Variants in JAK2 observed in about 807,000 individuals in gnomAD.
JAK2 encodes the protein Janus kinase 2.
JAK2 carries 86 observed loss-of-function variants against 139.3 expected under a neutral mutation model. The ratio of observed to expected loss-of-function variants is 0.62; its 90% confidence interval spans 0.52 to 0.74. The LOEUF is 0.74. Among genes scored for constraint, JAK2 ranks in the 30% least tolerant of loss-of-function variants. The probability of loss-of-function intolerance (pLI) is 0.00; values close to 1 mark genes in which losing one functional copy is unlikely to be tolerated. For synonymous variants in JAK2, 490 were observed against 437.7 expected, an observed-to-expected ratio of 1.12 and a Z score of -1.49; for missense variants, 1,421 against 1,360.3, an observed-to-expected ratio of 1.04 and a Z score of -0.70.
intron 3 of JAK2, among the ~76,000 whole-genome samples, chr9:5,023,403 A>C (rs1413960723): frequency 1.3e-5 from 2 of 152,076 alleles, no homozygotes; most frequent in African/African-American, 4.8e-5. Flanking sequence ...TGGGCTTCAA[A>C]ATATCACCTT....
intron 12 of JAK2, among the ~76,000 whole-genome samples, chr9:5,072,150 T>C (rs1818992932): frequency 6.6e-6 from 1 of 152,186 alleles, no homozygotes; most frequent in East Asian, 1.9e-4. Flanking sequence ...CATTCTCTAG[T>C]GTGCTAGTAG....
chr9:5,115,975 G>A (rs1823128505), intron 22 of JAK2, among the ~76,000 whole-genome samples: 1 of 152,030 alleles, frequency 6.6e-6, no homozygotes. Context: ...GTTGATGGGT[G>A]CAGCAAACCA....
At chr9:5,102,075 G>A (rs1184788841) in intron 22 of JAK2, among the ~76,000 whole-genome samples, 1 of 152,188 alleles carries the variant, frequency 6.6e-6, no homozygotes, top group Non-Finnish European at 1.5e-5. Flanking sequence ...CAGAAGGTTG[G>A]TAATAACAAA....
intron 19 of JAK2, among the ~76,000 whole-genome samples, chr9:5,084,076 GT>G (rs1819906396): frequency 6.6e-6 from 1 of 151,966 alleles, no homozygotes; most frequent in Non-Finnish European, 1.5e-5. Flanking sequence ...CATTTTTAGT[GT>G]TTTCCATAGT....
intron 23 of JAK2, 65 bp downstream of exon 23, chr9:5,123,186 GGTACAA>G (rs1410928619): frequency 1.8e-6 from 2 of 1,118,286 alleles, no homozygotes; most frequent in East Asian, 2.4e-5. Context: ...AAATTTATGG[GGTACAA>G]GTACAATTTT....
intron 22 of JAK2, among the ~76,000 whole-genome samples, chr9:5,092,189 C>T (rs1820635654): frequency 1.3e-5 from 2 of 152,112 alleles, no homozygotes; most frequent in Admixed American, 6.5e-5. Flanking sequence ...CAGAAAATCT[C>T]ACGACAACCT....
intron 10 of JAK2, among the ~76,000 whole-genome samples, chr9:5,068,591 G>A (rs1273150618): frequency 6.6e-6 from 1 of 152,174 alleles, no homozygotes; most frequent in Non-Finnish European, 1.5e-5. Context: ...AAGCAGCATG[G>A]CATTTGCTTG....
intron 2 of JAK2, among the ~76,000 whole-genome samples, chr9:4,997,230 G>A (rs1820625765): frequency 6.6e-6 from 1 of 152,018 alleles, no homozygotes; most frequent in Non-Finnish European, 1.5e-5. Flanking sequence ...ACCGCGCATG[G>A]CCTGTTAGTC....
intron 4 of JAK2, chr9:5,041,627 G>T (rs1816527934): frequency 4.0e-6 from 2 of 500,478 alleles, no homozygotes; most frequent in Admixed American, 2.3e-5. Flanking sequence ...TGCGGCGCCT[G>T]GACTTTGAGA....
intron 8 of JAK2, among the ~76,000 whole-genome samples, chr9:5,060,574 A>G (rs1818097930): frequency 6.6e-6 from 1 of 152,166 alleles, no homozygotes; most frequent in African/African-American, 2.4e-5. Flanking sequence ...TTTTATCATG[A>G]GATTGTAGCA....
At chr9:5,013,163 A>G (rs992790694) in intron 2 of JAK2, among the ~76,000 whole-genome samples, 3 of 152,210 alleles carry the variant, frequency 2.0e-5, no homozygotes, top group African/African-American at 7.2e-5. Context: ...TTCTTGCTCA[A>G]TAAGAAAACA....
intron 2 of JAK2, among the ~76,000 whole-genome samples, chr9:5,020,428 TG>T (rs1822341165): frequency 6.6e-6 from 1 of 152,090 alleles, no homozygotes; most frequent in South Asian, 2.1e-4. Context: ...TAGCAGGTGC[TG>T]TTTGTGGTGG....
At chr9:5,077,298 G>A (rs937558293) in intron 14 of JAK2, among the ~76,000 whole-genome samples, 155 bp from the exon 15 acceptor site, 13 of 150,806 alleles carry the variant, frequency 8.6e-5, no homozygotes, top group African/African-American at 2.9e-4. Flanking sequence ...AAAATATAAT[G>A]CTGTGTATCC....
At chr9:5,072,423 T>C (rs1018640237) in intron 12 of JAK2, 69 bp from the exon 13 acceptor site, 22 of 1,158,674 alleles carry the variant, frequency 1.9e-5, no homozygotes, top group East Asian at 5.1e-5. Flanking sequence ...CCTCATTGAA[T>C]GTATTTTCTT....
chr9:5,023,810 A>G (rs1233898237), intron 3 of JAK2, among the ~76,000 whole-genome samples: 1 of 152,130 alleles, frequency 6.6e-6, no homozygotes, highest in Non-Finnish European at 1.5e-5. Context: ...TATCTTGACT[A>G]TATTGTAAAG....
intron 5 of JAK2, among the ~76,000 whole-genome samples, chr9:5,047,182 G>A (rs992542617): frequency 6.6e-6 from 1 of 152,026 alleles, no homozygotes; most frequent in Non-Finnish European, 1.5e-5. Context: ...CTCTAAGATT[G>A]TACTGTTATC....
intron 22 of JAK2, among the ~76,000 whole-genome samples, chr9:5,120,120 C>G (rs1823501599): frequency 6.6e-6 from 1 of 152,212 alleles, no homozygotes; most frequent in Admixed American, 6.5e-5. Context: ...CTGGTGAGAG[C>G]TGCTCTCTTC....
intron 2 of JAK2, among the ~76,000 whole-genome samples, chr9:5,000,691 T>TA (rs1359804176): frequency 6.6e-6 from 1 of 152,246 alleles, no homozygotes; most frequent in Non-Finnish European, 1.5e-5. Context: ...AAGGTTTTAA[T>TA]ACGTCTGTAA....
chr9:5,040,323 C>T (rs975551271), intron 4 of JAK2, among the ~76,000 whole-genome samples: 5 of 151,494 alleles, frequency 3.3e-5, no homozygotes, highest in Non-Finnish European at 7.4e-5. Flanking sequence ...GGATCATAGG[C>T]CTATATATGA....
Sources: allele counts gnomAD v4.1 joint callset (sites outside exome capture counted in the v4.1 genomes callset), GRCh38; gene constraint gnomAD v4.1.1; transcripts MANE v1.5; gene names NCBI Gene and HGNC (gene_info 2026-07-23, HGNC 2026-07-21).